The following GLRB variants were observed in gnomAD, a reference collection of about 807,000 sequenced individuals.
The protein encoded by GLRB is glycine receptor beta, also known as glycine receptor subunit beta.
In GLRB, 33 loss-of-function variants were observed where a neutral mutation model predicts 54.2. That is an observed-to-expected ratio of 0.61 (90% CI 0.46 to 0.81). GLRB has a LOEUF of 0.81. Ranked by LOEUF, GLRB falls within the 40% of genes least tolerant of loss-of-function variation. The pLI is 0.00. For missense variants in GLRB, 572 were observed against 584.6 expected, an observed-to-expected ratio of 0.98 and a Z score of 0.22; for synonymous variants, 209 against 208.2, an observed-to-expected ratio of 1.00 and a Z score of -0.03.
At chr4:157,097,338 G>T (rs144319233) in intron 2 of GLRB, among the ~76,000 whole-genome samples, 1 of 152,070 alleles carries the variant, frequency 6.6e-6, no homozygotes, top group African/African-American at 2.4e-5. Flanking sequence ...CTCTATGTTC[G>T]TTACTTTTAT....
chr4:157,121,422 A>T (rs1013205657), intron 3 of GLRB, among the ~76,000 whole-genome samples: 1 of 151,094 alleles, frequency 6.6e-6, no homozygotes, highest in East Asian at 2.0e-4. Flanking sequence ...AAGGACAGGT[A>T]TTAATGTAGA....
At chr4:157,150,246 C>T (rs11943801) in intron 8 of GLRB, among the ~76,000 whole-genome samples, 1 of 151,990 alleles carries the variant, frequency 6.6e-6, no homozygotes, top group Non-Finnish European at 1.5e-5. Context: ...TTATTTTTAG[C>T]TAGAAAATGC....
intron 2 of GLRB, among the ~76,000 whole-genome samples, chr4:157,087,904 G>T (rs185836980): frequency 4.0e-5 from 6 of 151,894 alleles, no homozygotes; most frequent in African/African-American, 1.2e-4. Flanking sequence ...TCATTGCTCT[G>T]CTAAAGAGAG....
chr4:157,098,320 A>G (rs1007057465), intron 2 of GLRB, among the ~76,000 whole-genome samples: 4 of 152,192 alleles, frequency 2.6e-5, no homozygotes, highest in Non-Finnish European at 5.9e-5. Context: ...TGTCAAATGA[A>G]AAGACAAATC....
intron 2 of GLRB, among the ~76,000 whole-genome samples, chr4:157,106,663 T>C (rs1735237516): frequency 6.6e-6 from 1 of 152,014 alleles, no homozygotes; most frequent in Admixed American, 6.6e-5. Flanking sequence ...TCCCTGGTAT[T>C]TGGAACCTGG....
chr4:157,112,744 A>G (rs981741290), intron 2 of GLRB, among the ~76,000 whole-genome samples: 1 of 151,856 alleles, frequency 6.6e-6, no homozygotes, highest in Non-Finnish European at 1.5e-5. Context: ...ATATACCCCT[A>G]TCAAAGTCAC....
At chr4:157,094,864 T>C (rs1734746679) in intron 2 of GLRB, among the ~76,000 whole-genome samples, 1 of 151,990 alleles carries the variant, frequency 6.6e-6, no homozygotes, top group South Asian at 2.1e-4. Context: ...GTGTATACAG[T>C]ACTCAACAGA....
At position 157,171,303 on chromosome 4, in the gene GLRB, T is replaced by C. The variant is rs114822438; in HGVS notation, c.*575T>C. On this transcript the variant is annotated 3_prime_UTR_variant, in exon 10 of 10. Coordinates refer to ENST00000264428, the MANE Select transcript of GLRB (RefSeq NM_000824.5). ...TTTGTAAAATCAGCTCGTTTTAAAG[T>C]GTGCTTGTGTTGTCAAAAATATCAG... 3,625 of 152,362 alleles carry C rather than the reference T, an allele frequency of 0.024. 55 individuals carry two copies. Among genetic ancestry groups the C allele is most frequent in the African/African-American group, 0.045 (1,884 of 41,536 alleles). The allele number at this position is 152,362 out of a possible 1,614,324, so 9.4% of individuals were successfully genotyped here.
intron 2 of GLRB, among the ~76,000 whole-genome samples, chr4:157,110,695 G>C (rs180724762): frequency 6.6e-5 from 10 of 151,974 alleles, no homozygotes; most frequent in African/African-American, 2.4e-4. Context: ...TTTTTCTTGA[G>C]TCTTTGTATT....
At chr4:157,136,761 A>G (rs754343869) in intron 5 of GLRB, 43 bp from the exon 6 acceptor site, 18 of 1,499,486 alleles carry the variant, frequency 1.2e-5, no homozygotes, top group Non-Finnish European at 1.6e-5. Context: ...TGGATGACAG[A>G]GAAGTATATT....
At chr4:157,155,109 T>C (rs1310854205) in intron 9 of GLRB, among the ~76,000 whole-genome samples, 1 of 152,166 alleles carries the variant, frequency 6.6e-6, no homozygotes, top group Non-Finnish European at 1.5e-5. Flanking sequence ...ATCTCTTTTA[T>C]TATTTTCTGT....
intron 9 of GLRB, among the ~76,000 whole-genome samples, chr4:157,156,235 G>T (rs931482133): frequency 1.3e-5 from 2 of 152,100 alleles, no homozygotes; most frequent in African/African-American, 2.4e-5. Flanking sequence ...CCATGAGTAT[G>T]GGATGTGTTT....
chr4:157,105,017 T>A (rs974086903), intron 2 of GLRB, among the ~76,000 whole-genome samples: 4 of 151,858 alleles, frequency 2.6e-5, no homozygotes, highest in Admixed American at 6.5e-5. Flanking sequence ...TATTTAAAAA[T>A]TTTTTAAATT....
rs1247738037 is a variant in GLRB at position 157,171,693 on chromosome 4, A to C, written c.*965A>C. On this transcript the variant is annotated 3_prime_UTR_variant, in exon 10 of 10. Coordinates refer to ENST00000264428, the MANE Select transcript of GLRB (RefSeq NM_000824.5). The stretch of plus-strand genomic sequence containing the variant: ...TTAAAATGCTTGCATATTTTAAGTA[A>C]AATTAAAAATGTTTACTGAATTTAT... The C allele has an allele frequency of 1.3e-5, 2 of 152,202 alleles. No homozygotes were observed. Among genetic ancestry groups the C allele is most frequent in the Non-Finnish European group, 2.9e-5 (2 of 67,832 alleles). The allele number at this position is 152,202 out of a possible 1,614,324, so 9.4% of individuals were successfully genotyped here. A position where few individuals can be genotyped will look rare whatever the true frequency, so the allele number is the denominator to read the frequency against.
intron 2 of GLRB, among the ~76,000 whole-genome samples, chr4:157,081,494 G>A (rs1734221102): frequency 6.6e-6 from 1 of 152,184 alleles, no homozygotes; most frequent in Non-Finnish European, 1.5e-5. Flanking sequence ...AATAATCACT[G>A]TATTAAGAGT....
chr4:157,138,083 A>T (rs958098495), intron 6 of GLRB, among the ~76,000 whole-genome samples: 1 of 152,006 alleles, frequency 6.6e-6, no homozygotes, highest in Admixed American at 6.6e-5. Flanking sequence ...GATGATGATT[A>T]TTTTTTAAAA....
At chr4:157,093,061 A>G (rs1468185963) in intron 2 of GLRB, among the ~76,000 whole-genome samples, 2 of 152,098 alleles carry the variant, frequency 1.3e-5, no homozygotes, top group East Asian at 1.9e-4. Context: ...GTGGGAACAC[A>G]TTTTTCTTCT....
chr4:157,133,884 A>T (rs934581241), intron 4 of GLRB, among the ~76,000 whole-genome samples: 1 of 152,048 alleles, frequency 6.6e-6, no homozygotes, highest in African/African-American at 2.4e-5. Flanking sequence ...TCACATGGAG[A>T]AACACTATTA....
chr4:157,134,760 A>G (rs1007821358), intron 4 of GLRB, among the ~76,000 whole-genome samples: 1 of 152,162 alleles, frequency 6.6e-6, no homozygotes, highest in African/African-American at 2.4e-5. Flanking sequence ...GAGTTGAGGT[A>G]TATGATAAGA....
Sources: gnomAD v4.1 joint callset for allele counts (sites outside exome capture counted in the v4.1 genomes callset) on GRCh38, gnomAD v4.1.1 for gene constraint, MANE v1.5 for transcripts, NCBI Gene and HGNC (gene_info 2026-07-23, HGNC 2026-07-21) for gene names.